Variants in SPTBN4 observed in about 807,000 individuals in gnomAD.
SPTBN4 encodes the protein spectrin beta, non-erythrocytic 4.
Under a neutral mutation model 277.8 loss-of-function variants are expected in SPTBN4, and 96 were observed. The ratio of observed to expected loss-of-function variants is 0.35; its 90% CI spans 0.29 to 0.41. The LOEUF is 0.41. Ranked by LOEUF, SPTBN4 falls within the 10% of genes least tolerant of loss-of-function variation. The probability of loss-of-function intolerance (pLI) is 1.00; values close to 1 mark genes in which losing one functional copy is unlikely to be tolerated. For synonymous variants in SPTBN4, 1,481 were observed against 1,580.3 expected (o/e 0.94, Z 1.49); for missense variants, 3,006 against 3,595.7 (o/e 0.84, Z 4.19).
intron 16 of SPTBN4, among the ~76,000 whole-genome samples, chr19:40,522,076 G>C (rs1204996703): frequency 1.3e-5 from 2 of 152,218 alleles, no homozygotes; most frequent in Non-Finnish European, 2.9e-5. Flanking sequence ...ACCCGGGCCA[G>C]AGTACAGTGG....
chr19:40,548,709 C>T (rs1405508084), intron 20 of SPTBN4, among the ~76,000 whole-genome samples: 1 of 148,474 alleles, frequency 6.7e-6, no homozygotes, highest in East Asian at 1.9e-4. Context: ...AGCGAGACTC[C>T]ATCTCAAAAA....
In SPTBN4 at chr19:40,575,712, G is replaced by A; in HGVS notation, c.*143G>A. 1 of 1,061,088 alleles carries A rather than the reference G, an allele frequency of 9.4e-7. No individual in the cohort carries two copies. The highest frequency in any genetic ancestry group is 1.3e-6 in the Non-Finnish European group (1 of 763,102). The allele number at this position is 1,061,088 out of a possible 1,614,324, so 65.7% of individuals were successfully genotyped here. On this transcript the variant is annotated 3_prime_UTR_variant, in exon 36 of 36. Coordinates refer to ENST00000598249, the MANE Select transcript of SPTBN4 (RefSeq NM_020971.3). ...ACATGGTGGGCACCGGAAAGGAGGG[G>A]ACTTCTCCTGCACCCCAAGAAGTGG...
intron 1 of SPTBN4, among the ~76,000 whole-genome samples, chr19:40,467,606 C>T (rs1599696977): frequency 6.7e-6 from 1 of 148,278 alleles, no homozygotes; most frequent in Non-Finnish European, 1.5e-5. Context: ...CGCAGCCCAG[C>T]GCCCCACCAG....
chr19:40,504,144 GGGGC>G lies in SPTBN4; in HGVS notation c.1665+16_1665+19del. 4.8e-6 allele frequency: 6 copies of G among 1,241,052 alleles called. No homozygotes were observed. The highest frequency in any genetic ancestry group is 1.8e-5 in the Admixed American group (1 of 55,948). The allele number at this position is 1,241,052 out of a possible 1,614,324, so 76.9% of individuals were successfully genotyped here. ...TGGAGGAGATGCAGGTGCCGGCGGG[GGGGC>G]GGGGATGCGGGTGGAGTGCCAGGAG... On this transcript the variant is annotated intron_variant, in intron 12 of 35. Transcript: ENST00000598249.
Position 40,513,405 on chromosome 19 carries a change from G to C in SPTBN4, c.2616G>C (p.Leu872=). The C allele has an allele frequency of 1.9e-6, 3 of 1,605,484 alleles. No individual in the cohort carries two copies. Among genetic ancestry groups the C allele is most frequent in the South Asian group, 1.1e-5 (1 of 90,074 alleles). The change falls in exon 14 of 36, where the codon CTG becomes CTC. Residue 872 remains leucine, a synonymous_variant. Coordinates refer to ENST00000598249, the MANE Select transcript of SPTBN4 (RefSeq NM_020971.3). ...CTGAGGTGACCGAAGTGGCGGCGCT[G>C]AGGCGCCAGTGGCTGCGGGACGCGC... The part of the protein sequence containing the change: ...LFAEVTEVAA[L]RRQWLRDALA...
intron 2 of SPTBN4, among the ~76,000 whole-genome samples, chr19:40,483,139 T>C (rs116411617): frequency 0.016 from 2,387 of 151,720 alleles, 65 homozygotes; most frequent in African/African-American, 0.053. Context: ...ATGTGAAAAC[T>C]GGGGTCCCGA....
In SPTBN4 at chr19:40,520,126, A is replaced by G. The variant is rs976527042; in HGVS notation, c.3629A>G (p.Gln1210Arg). 1.4e-6 allele frequency: 2 copies of G among 1,452,816 alleles called. No homozygotes were observed. The highest frequency in any genetic ancestry group is 3.0e-5 in the African/African-American group (2 of 67,168). The allele number at this position is 1,452,816 out of a possible 1,614,324, so 90.0% of individuals were successfully genotyped here. ...CAGCTCTTCCTGCGGGATCTACGCC[A>G]GGCGCTCGTGGTGCTGCGTAACCAG... is the stretch of plus-strand genomic sequence containing the variant. ...IYQLFLRDLRQALVVLRNQEM... is the reference protein window; with the variant it reads ...IYQLFLRDLRRALVVLRNQEM... The change falls in exon 16 of 36, where the codon CAG becomes CGG. Residue 1210 changes from glutamine to arginine, a missense_variant. Gln to Arg is a conservative substitution (Grantham distance 43). This residue lies in a region of SPTBN4 where 1,759 missense variants were observed against 2,061.5 expected (regional missense o/e 0.85). Coordinates refer to ENST00000598249, the MANE Select transcript of SPTBN4 (RefSeq NM_020971.3).
chr19:40,495,595 C>T (rs2080187626), intron 6 of SPTBN4, among the ~76,000 whole-genome samples: 1 of 152,050 alleles, frequency 6.6e-6, no homozygotes, highest in Non-Finnish European at 1.5e-5. Flanking sequence ...TTGCAATGAG[C>T]CGAGATTGTG....
At chr19:40,477,287 G>T (rs2079960096) in intron 2 of SPTBN4, among the ~76,000 whole-genome samples, 1 of 151,986 alleles carries the variant, frequency 6.6e-6, no homozygotes, top group Non-Finnish European at 1.5e-5. Flanking sequence ...GGACTCAAGT[G>T]ATCCTCCCAC....
chr19:40,533,528 A>G (rs968587261), intron 19 of SPTBN4, among the ~76,000 whole-genome samples: 13 of 152,072 alleles, frequency 8.5e-5, no homozygotes, highest in African/African-American at 2.7e-4. Flanking sequence ...TCTGACTCAC[A>G]CAGAGACACC....
chr19:40,498,338 G>T (rs2080223304), intron 7 of SPTBN4, among the ~76,000 whole-genome samples: 1 of 151,468 alleles, frequency 6.6e-6, no homozygotes, highest in Non-Finnish European at 1.5e-5. Flanking sequence ...ACACTGACCT[G>T]GTTAGAGAGA....
At chr19:40,525,479 G>C (rs1201245504) in intron 17 of SPTBN4, among the ~76,000 whole-genome samples, 1 of 152,102 alleles carries the variant, frequency 6.6e-6, no homozygotes, top group African/African-American at 2.4e-5. Context: ...GAGCCACTGA[G>C]CATGGCCTGT....
At chr19:40,558,911 A>AATTATTATTATTATTATT (rs371965577) in intron 26 of SPTBN4, among the ~76,000 whole-genome samples, 1 of 125,946 alleles carries the variant, frequency 7.9e-6, no homozygotes, top group Admixed American at 8.4e-5. Flanking sequence ...CCCAGCTGGC[A>AATTATTATTATTATTATT]ATTATTATTA....
chr19:40,535,305 G>A (rs1052511056), intron 20 of SPTBN4, among the ~76,000 whole-genome samples: 2 of 151,984 alleles, frequency 1.3e-5, no homozygotes, highest in African/African-American at 2.4e-5. Flanking sequence ...CAACCCTCCC[G>A]CCTCAGCCTT....
chr19:40,560,231 A>T lies in SPTBN4; in HGVS notation c.5743A>T (p.Ser1915Cys), dbSNP rs1290107441. Reference sequence around the variant, plus strand: ...GGGTGAACATGCCGAGGCCATCGCTAGCCGGGAGCAGGAGGTGCTGCAGGG... The same window carrying T: ...GGGTGAACATGCCGAGGCCATCGCTTGCCGGGAGCAGGAGGTGCTGCAGGG... ...YAGEHAEAIA[S>C]REQEVLQGWK... Residue 1915 changes from serine (S) to cysteine (C), a missense_variant, in exon 27 of 36, where the codon AGC becomes TGC. Ser to Cys is a moderately radical substitution (Grantham distance 112). Coordinates refer to ENST00000598249, the MANE Select transcript of SPTBN4 (RefSeq NM_020971.3). This position sits in a 1 kb window ranked among gnomAD's most constrained non-coding sequence, Gnocchi z 5.2. 1 of 1,611,424 alleles carries T rather than the reference A, an allele frequency of 6.2e-7. No homozygotes were observed. The highest frequency in any genetic ancestry group is 8.5e-7 in the Non-Finnish European group (1 of 1,179,946).
At chr19:40,481,281 C>T (rs1277914522) in intron 2 of SPTBN4, among the ~76,000 whole-genome samples, 1 of 152,080 alleles carries the variant, frequency 6.6e-6, no homozygotes, top group Admixed American at 6.6e-5. Context: ...GTCTCCAACT[C>T]CTAGGCTCAA....
At chr19:40,566,988 A>C (rs2081098917) in intron 30 of SPTBN4, 3 of 273,588 alleles carry the variant, frequency 1.1e-5, no homozygotes, top group Non-Finnish European at 1.5e-5. Flanking sequence ...AAAAAACAAC[A>C]AAAAAAAACC....
chr19:40,544,719 G>C (rs1408136297), intron 20 of SPTBN4, among the ~76,000 whole-genome samples: 1 of 152,122 alleles, frequency 6.6e-6, no homozygotes, highest in African/African-American at 2.4e-5. Flanking sequence ...AGAGTGCTAG[G>C]ATTACAGGCG....
At chr19:40,563,297 T>G (rs1184674220) in intron 27 of SPTBN4, among the ~76,000 whole-genome samples, 4 of 152,002 alleles carry the variant, frequency 2.6e-5, no homozygotes, top group Admixed American at 2.6e-4. Flanking sequence ...GCCAGGATGA[T>G]CACTTAAGCC....
Sources: allele counts gnomAD v4.1 joint callset (sites outside exome capture counted in the v4.1 genomes callset), GRCh38; gene constraint gnomAD v4.1.1; regional missense constraint gnomAD v4.1.1; non-coding constraint Gnocchi (gnomAD v3.1); transcripts MANE v1.5; gene names NCBI Gene and HGNC (gene_info 2026-07-23, HGNC 2026-07-21).